SEMA3C: variants seen among roughly 807,000 people sequenced by gnomAD.
The protein encoded by SEMA3C is semaphorin-3C.
A neutral mutation model predicts 89.4 loss-of-function variants in SEMA3C; 47 were observed. That is an observed-to-expected ratio of 0.53 (90% CI 0.42 to 0.67). SEMA3C has a LOEUF of 0.67. SEMA3C is among the 30% of genes least tolerant of loss of function. SEMA3C has a pLI of 0.00. For synonymous variants in SEMA3C, 310 were observed against 320.2 expected (o/e 0.97, Z 0.34); for missense variants, 839 against 929.1 (o/e 0.90, Z 1.26).
intron 4 of SEMA3C, among the ~76,000 whole-genome samples, chr7:80,827,202 A>C (rs145865275): frequency 1.4e-4 from 21 of 152,166 alleles, no homozygotes; most frequent in African/African-American, 4.3e-4. Flanking sequence ...TGAATGAAAT[A>C]ATGAAAGCAA....
At chr7:80,906,991 C>T (rs888628185) in intron 2 of SEMA3C, among the ~76,000 whole-genome samples, 1 of 151,884 alleles carries the variant, frequency 6.6e-6, no homozygotes, top group South Asian at 2.1e-4. Flanking sequence ...CATATAGAAC[C>T]CTTTGCTTAC....
intron 4 of SEMA3C, among the ~76,000 whole-genome samples, chr7:80,822,702 T>G (rs547072824): frequency 6.6e-6 from 1 of 152,334 alleles, no homozygotes; most frequent in South Asian, 2.1e-4. Flanking sequence ...CTCTGGATGC[T>G]TCAATCTTTG....
chr7:80,753,614 G>A (rs771625822), intron 15 of SEMA3C, among the ~76,000 whole-genome samples: 61 of 151,986 alleles, frequency 4.0e-4, no homozygotes, highest in South Asian at 2.1e-4. Flanking sequence ...CACTCACATA[G>A]CATCAAAAAA....
Position 80,872,795 on chromosome 7 carries a change from G to GTC in SEMA3C, c.103+43882_103+43883dup, listed in dbSNP as rs146354092. On this transcript the variant is annotated intron_variant, in intron 2 of 17. Transcript: ENST00000265361. The stretch of plus-strand genomic sequence containing the variant: ...CAGCCTGGCAACAGAGCGAGACTCT[G>GTC]TCAAAAAAAAAAAAAAAAAAAAAAA... 4.3e-3 allele frequency among the ~76,000 whole-genome samples: 386 copies of GTC among 90,794 alleles called. 9 individuals carry two copies. The highest frequency in any genetic ancestry group is 0.015 in the African/African-American group (311 of 20,824). The allele number at this position is 90,794 out of a possible 152,430, so 59.6% of individuals were successfully genotyped here.
chr7:80,824,236 C>A (rs1789820230), intron 4 of SEMA3C, among the ~76,000 whole-genome samples: 2 of 151,970 alleles, frequency 1.3e-5, no homozygotes, highest in Admixed American at 1.3e-4. Context: ...ATTAACAGAG[C>A]TAAAAGCAGA....
chr7:80,916,742 T>C lies in SEMA3C; in HGVS notation c.40A>G (p.Ile14Val). ...RTICVLVGVF[I>V]CSICVKGSSQ... ...GATCCTTTCACACAGATAGAACAAA[T>C]AAATACTCCAACCAACACGCAAATT... The change falls in exon 2 of 18, where the codon ATT becomes GTT. Residue 14 changes from isoleucine (I) to valine (V), a missense_variant. Coordinates refer to ENST00000265361, the MANE Select transcript of SEMA3C (RefSeq NM_006379.5). 6.2e-7 allele frequency: 1 copy of C among 1,613,640 alleles called. No individual in the cohort carries two copies.
intron 6 of SEMA3C, among the ~76,000 whole-genome samples, chr7:80,807,631 G>GT (rs3840550): frequency 0.35 from 53,624 of 151,958 alleles, 9,713 homozygotes; most frequent in East Asian, 0.52. Context: ...ACTTCATAAA[G>GT]TTATGTAGGC....
At chr7:80,769,164 C>T (rs1252246348) in intron 12 of SEMA3C, among the ~76,000 whole-genome samples, 1 of 152,068 alleles carries the variant, frequency 6.6e-6, no homozygotes, top group Non-Finnish European at 1.5e-5. Context: ...ATCAAGGTAA[C>T]TGGGGTACTC....
At chr7:80,875,300 T>A (rs1791174706) in intron 2 of SEMA3C, among the ~76,000 whole-genome samples, 1 of 152,102 alleles carries the variant, frequency 6.6e-6, no homozygotes, top group African/African-American at 2.4e-5. Flanking sequence ...AGAAAAACTG[T>A]GACATTTCCA....
At chr7:80,804,083 A>G (rs1226581947) in intron 8 of SEMA3C, 23 bp downstream of exon 8, 2 of 1,568,510 alleles carry the variant, frequency 1.3e-6, no homozygotes, top group Non-Finnish European at 1.7e-6. Flanking sequence ...CTTTCTTCAA[A>G]TCGGAACAGC....
chr7:80,827,965 C>G (rs566138231), intron 3 of SEMA3C, among the ~76,000 whole-genome samples: 69 of 151,796 alleles, frequency 4.5e-4, no homozygotes, highest in South Asian at 1.7e-3. Flanking sequence ...CCAAGAGATT[C>G]CCTCTCTCTG....
Position 80,804,583 on chromosome 7 carries a change from G to T in SEMA3C, c.659-335C>A, listed in dbSNP as rs1789292886. Among the ~76,000 whole-genome samples, 7 of 151,940 alleles carry T rather than the reference G, an allele frequency of 4.6e-5. 1 individual carries two copies. In the South Asian group the frequency reaches 1.5e-3, roughly 32 times the overall value. On this transcript the variant is annotated intron_variant, in intron 7 of 17. Transcript: ENST00000265361. Reference sequence around the variant, plus strand: ...TTTTCAAAGTATGTTTTTCAATCTAGCACATATAAACTCAAATTTGTTGAA... The same window carrying T: ...TTTTCAAAGTATGTTTTTCAATCTATCACATATAAACTCAAATTTGTTGAA...
chr7:80,779,073 C>T (rs1419357724), intron 12 of SEMA3C, among the ~76,000 whole-genome samples: 1 of 152,162 alleles, frequency 6.6e-6, no homozygotes, highest in Non-Finnish European at 1.5e-5. Context: ...CTATAACACC[C>T]TCTTTGACTT....
chr7:80,912,708 A>T (rs933613478), intron 2 of SEMA3C, among the ~76,000 whole-genome samples: 5 of 152,212 alleles, frequency 3.3e-5, no homozygotes, highest in Admixed American at 2.6e-4. Flanking sequence ...TGAGAACTAA[A>T]TACTTCTCAG....
chr7:80,921,944 G>C (rs1792416381), upstream of SEMA3C, among the ~76,000 whole-genome samples: 1 of 152,138 alleles, frequency 6.6e-6, no homozygotes, highest in Non-Finnish European at 1.5e-5. Context: ...AAAGAAAACA[G>C]ATTTTTCCCT....
At chr7:80,916,841 T>C (rs767630948) in intron 1 of SEMA3C, 22 bp from the exon 2 acceptor site, 11 of 1,597,976 alleles carry the variant, frequency 6.9e-6, no homozygotes, top group Non-Finnish European at 9.4e-6. Context: ...AGACAACATG[T>C]TTGTTATATC....
intron 2 of SEMA3C, among the ~76,000 whole-genome samples, chr7:80,894,033 A>C (rs1791676438): frequency 6.6e-6 from 1 of 152,166 alleles, no homozygotes; most frequent in Non-Finnish European, 1.5e-5. Flanking sequence ...TGTGAAAACT[A>C]GTTCTATTTC....
At chr7:80,840,882 G>C (rs1251540724) in intron 2 of SEMA3C, among the ~76,000 whole-genome samples, 1 of 152,124 alleles carries the variant, frequency 6.6e-6, no homozygotes, top group Non-Finnish European at 1.5e-5. Flanking sequence ...TTACATCATG[G>C]CTGTGGAAAC....
intron 12 of SEMA3C, among the ~76,000 whole-genome samples, chr7:80,775,538 G>C (rs1283565059): frequency 6.6e-6 from 1 of 151,840 alleles, no homozygotes; most frequent in Non-Finnish European, 1.5e-5. Flanking sequence ...TTTAATGCAG[G>C]CCCATTATCT....
Sources: allele counts gnomAD v4.1 joint callset (sites outside exome capture counted in the v4.1 genomes callset), GRCh38; gene constraint gnomAD v4.1.1; transcripts MANE v1.5; gene names NCBI Gene and HGNC (gene_info 2026-07-23, HGNC 2026-07-21).